Variants in TRIP4 observed in about 807,000 individuals in gnomAD.
TRIP4 encodes the protein thyroid hormone receptor interactor 4.
A neutral mutation model predicts 81.8 loss-of-function variants in TRIP4; 54 were observed. The observed-to-expected ratio is 0.66, with a 90% CI of 0.53 to 0.83. The LOEUF (loss-of-function observed/expected upper bound fraction) is 0.83. Ranked by LOEUF, TRIP4 falls within the 40% of genes least tolerant of loss-of-function variation. The probability of loss-of-function intolerance (pLI) is 0.00; values close to 1 mark genes in which losing one functional copy is unlikely to be tolerated. For synonymous variants in TRIP4, 270 were observed against 242.8 expected, an observed-to-expected ratio of 1.11 and a Z score of -1.04; for missense variants, 662 against 683.6, an observed-to-expected ratio of 0.97 and a Z score of 0.35.
intron 2 of TRIP4, 113 bp downstream of exon 2, chr15:64,394,228 A>G (rs1048683272): frequency 1.7e-5 from 16 of 932,994 alleles, no homozygotes; most frequent in Non-Finnish European, 2.3e-5. Context: ...GCTAACTTAA[A>G]CAGAGTCATA....
At chr15:64,401,913 G>C (rs1173711337) in intron 5 of TRIP4, among the ~76,000 whole-genome samples, 2 of 152,122 alleles carry the variant, frequency 1.3e-5, no homozygotes, top group East Asian at 1.9e-4. Flanking sequence ...GACAAGAAAA[G>C]ATTGAAGAAA....
intron 8 of TRIP4, among the ~76,000 whole-genome samples, chr15:64,416,259 CTA>C (rs1891889561): frequency 6.6e-6 from 1 of 151,864 alleles, no homozygotes; most frequent in South Asian, 2.1e-4. Flanking sequence ...ATCATAAAGA[CTA>C]AAAATGTAGA....
chr15:64,443,240 G>T (rs918780227), intron 11 of TRIP4, among the ~76,000 whole-genome samples: 10 of 152,178 alleles, frequency 6.6e-5, no homozygotes, highest in African/African-American at 2.4e-4. Flanking sequence ...CTGGATAAGA[G>T]ATTTTGTTTC....
intron 7 of TRIP4, among the ~76,000 whole-genome samples, chr15:64,411,255 C>T (rs919512641): frequency 1.3e-5 from 2 of 152,078 alleles, no homozygotes; most frequent in African/African-American, 2.4e-5. Flanking sequence ...TAAATTTGTC[C>T]AAACCCATAA....
chr15:64,422,566 G>A (rs1423858877), intron 9 of TRIP4, among the ~76,000 whole-genome samples: 1 of 152,166 alleles, frequency 6.6e-6, no homozygotes, highest in Non-Finnish European at 1.5e-5. Flanking sequence ...GCTCCAGGAT[G>A]ATCAAAACCT....
chr15:64,440,114 G>C (rs148378460), intron 11 of TRIP4, among the ~76,000 whole-genome samples: 43 of 152,052 alleles, frequency 2.8e-4, no homozygotes, highest in African/African-American at 9.9e-4. Context: ...AGGTCTGGTG[G>C]TGTGCACCTG....
At chr15:64,429,477 C>T (rs1892223155) in intron 11 of TRIP4, among the ~76,000 whole-genome samples, 1 of 152,060 alleles carries the variant, frequency 6.6e-6, no homozygotes, top group African/African-American at 2.4e-5. Flanking sequence ...CTCTGAAACA[C>T]AAATTTGGGA....
At chr15:64,453,555 A>C (rs895708866) in intron 12 of TRIP4, among the ~76,000 whole-genome samples, 1 of 152,216 alleles carries the variant, frequency 6.6e-6, no homozygotes, top group African/African-American at 2.4e-5. Context: ...AGGCAGCATA[A>C]GGGATAAAAG....
At chr15:64,388,089 C>T (rs1182253684) in intron 1 of TRIP4, 125 bp downstream of exon 1, 8 of 1,338,702 alleles carry the variant, frequency 6.0e-6, no homozygotes, top group Non-Finnish European at 7.7e-6. Flanking sequence ...AGTCTGTAGT[C>T]TGTAGGCGTC....
chr15:64,425,685 G>T (rs1214118886), intron 11 of TRIP4, 54 bp downstream of exon 11: 10 of 1,492,984 alleles, frequency 6.7e-6, no homozygotes, highest in Non-Finnish European at 9.2e-6. Context: ...ATGTTGGCCA[G>T]GCTGGTCTTG....
chr15:64,441,161 T>G (rs992385946), intron 11 of TRIP4, among the ~76,000 whole-genome samples: 7 of 152,058 alleles, frequency 4.6e-5, no homozygotes, highest in Non-Finnish European at 1.0e-4. Context: ...CACGCCTGGC[T>G]AATTTTTTGT....
rs553160882 is a variant in TRIP4, at chr15:64,415,554, C to G, written c.1170+1343C>G. Among the ~76,000 whole-genome samples, 8 of 152,284 alleles carry G rather than the reference C, an allele frequency of 5.3e-5. No individual in the cohort carries two copies. The South Asian group carries it at 1.7e-3, about 32-fold the overall frequency. On this transcript the variant is annotated intron_variant, in intron 8 of 12. Transcript: ENST00000261884. ...GCTCTAGGTGTCTTTTGCCTTGTAG[C>G]TCATTACTCTAATCTCTGCCTCTGT... is the stretch of plus-strand genomic sequence containing the variant.
intron 7 of TRIP4, among the ~76,000 whole-genome samples, chr15:64,412,673 T>G (rs778623735): frequency 1.2e-4 from 18 of 152,222 alleles, no homozygotes; most frequent in Non-Finnish European, 1.9e-4. Context: ...AAGGTCAAGT[T>G]TAGCCTTTCC....
At position 64,391,297 on chromosome 15, in the gene TRIP4, C is replaced by T. The variant is rs547758489; in HGVS notation, c.102-2649C>T. On this transcript the variant is annotated intron_variant, in intron 1 of 12. Coordinates refer to ENST00000261884, the MANE Select transcript of TRIP4 (RefSeq NM_016213.5). Reference sequence around the variant, plus strand: ...TCAGCCTCCCCAGTAGCTTGGACTACAGGCGCGTGACACCATGCCCAGCTA... The same window carrying T: ...TCAGCCTCCCCAGTAGCTTGGACTATAGGCGCGTGACACCATGCCCAGCTA... Among the ~76,000 whole-genome samples the T allele has an allele frequency of 2.4e-4, 37 of 152,064 alleles. No individual in the cohort carries two copies. The South Asian group carries it at 7.5e-3, about 31-fold the overall frequency.
chr15:64,434,706 A>G (rs889459567), intron 11 of TRIP4, among the ~76,000 whole-genome samples: 4 of 152,210 alleles, frequency 2.6e-5, no homozygotes, highest in Non-Finnish European at 5.9e-5. Flanking sequence ...GAGGCAAGAC[A>G]GGAACAATGA....
chr15:64,392,408 A>G (rs1596333698), intron 1 of TRIP4, among the ~76,000 whole-genome samples: 2 of 152,202 alleles, frequency 1.3e-5, no homozygotes, highest in South Asian at 4.1e-4. Context: ...TTTGGGGATC[A>G]AGATGATTAA....
intron 12 of TRIP4, among the ~76,000 whole-genome samples, chr15:64,445,815 A>G (rs1035724453): frequency 1.3e-5 from 2 of 152,180 alleles, no homozygotes; most frequent in African/African-American, 2.4e-5. Flanking sequence ...AATTACCGGC[A>G]TAGTAAGTCG....
chr15:64,435,507 C>T (rs978929551), intron 11 of TRIP4, among the ~76,000 whole-genome samples: 1 of 129,202 alleles, frequency 7.7e-6, no homozygotes, highest in African/African-American at 2.9e-5. Flanking sequence ...ACCTGGGCGA[C>T]AGAGTGAGAC....
intron 12 of TRIP4, among the ~76,000 whole-genome samples, chr15:64,454,376 T>C (rs960369906): frequency 6.6e-6 from 1 of 152,194 alleles, no homozygotes; most frequent in African/African-American, 2.4e-5. Flanking sequence ...ATCAGTAATA[T>C]ACCTTTCATT....
Sources: gnomAD v4.1 joint callset for allele counts (sites outside exome capture counted in the v4.1 genomes callset) on GRCh38, gnomAD v4.1.1 for gene constraint, MANE v1.5 for transcripts, NCBI Gene and HGNC (gene_info 2026-07-23, HGNC 2026-07-21) for gene names.